The following COL13A1 variants were observed in gnomAD, a reference collection of about 807,000 sequenced individuals.
COL13A1 encodes the protein collagen alpha-1(XIII) chain.
Under a neutral mutation model 130.9 loss-of-function variants are expected in COL13A1, and 89 were observed. That is an observed-to-expected ratio of 0.68 (90% CI 0.57 to 0.81). The LOEUF (loss-of-function observed/expected upper bound fraction) is 0.81. Ranked by LOEUF, COL13A1 falls within the 30% of genes least tolerant of loss-of-function variation. The pLI is 0.00. For missense variants in COL13A1, 879 were observed against 934.6 expected (o/e 0.94, Z 0.78); for synonymous variants, 402 against 341.6 (o/e 1.18, Z -1.95).
chr10:69,860,082 G>C (rs910262885), intron 2 of COL13A1, among the ~76,000 whole-genome samples: 1 of 152,182 alleles, frequency 6.6e-6, no homozygotes, highest in East Asian at 1.9e-4. Flanking sequence ...AGAGTCAGGG[G>C]GTCTGTACCT....
At chr10:69,941,068 A>G (rs1231358320) in intron 35 of COL13A1, 45 bp downstream of exon 35, 1 of 1,612,640 alleles carries the variant, frequency 6.2e-7, no homozygotes, top group Non-Finnish European at 8.5e-7. Context: ...TCCACTCCAC[A>G]CCTGGCCTGT....
At chr10:69,885,265 T>A (rs1343778406) in intron 7 of COL13A1, among the ~76,000 whole-genome samples, 1 of 152,104 alleles carries the variant, frequency 6.6e-6, no homozygotes, top group East Asian at 1.9e-4. Flanking sequence ...GAAAGAATAA[T>A]CATGACAAAT....
chr10:69,926,124 T>TGCC, intron 26 of COL13A1: 1 of 513,256 alleles, frequency 1.9e-6, no homozygotes, highest in Non-Finnish European at 3.5e-6. Context: ...CCAGTTATCC[T>TGCC]GCCTCAGGGC....
chr10:69,864,702 A>G (rs1859301677), intron 2 of COL13A1, among the ~76,000 whole-genome samples: 3 of 152,216 alleles, frequency 2.0e-5, no homozygotes, highest in Non-Finnish European at 4.4e-5. Context: ...AGAATTCTTC[A>G]TGGGGGTCCA....
intron 11 of COL13A1, 40 bp downstream of exon 11, chr10:69,894,618 C>T: frequency 6.2e-7 from 1 of 1,614,018 alleles, no homozygotes; most frequent in African/African-American, 1.3e-5. Context: ...AGAGAAGCTT[C>T]CGGTGGCTGT....
chr10:69,805,279 G>T (rs968660021), intron 1 of COL13A1, among the ~76,000 whole-genome samples: 3 of 152,194 alleles, frequency 2.0e-5, no homozygotes, highest in Non-Finnish European at 4.4e-5. Context: ...AAAACAGAAG[G>T]CTGCTGCAGG....
intron 18 of COL13A1, 23 bp from the exon 19 acceptor site, chr10:69,918,262 C>T: frequency 6.3e-7 from 1 of 1,589,086 alleles, no homozygotes; most frequent in Non-Finnish European, 8.6e-7. Context: ...GTCTTCAGAC[C>T]TTTTTTTTTC....
At chr10:69,880,355 C>A in intron 6 of COL13A1, 148 bp from the exon 7 acceptor site, 1 of 703,020 alleles carries the variant, frequency 1.4e-6, no homozygotes, top group Non-Finnish European at 2.6e-6. Flanking sequence ...CCCTCCACGT[C>A]CCCTGGCATC....
chr10:69,871,757 C>T (rs760070868), intron 3 of COL13A1, among the ~76,000 whole-genome samples: 6 of 152,202 alleles, frequency 3.9e-5, no homozygotes, highest in Non-Finnish European at 7.3e-5. Context: ...CCGTCTCTGG[C>T]CAGTCCTCCT....
intron 9 of COL13A1, 34 bp from the exon 10 acceptor site, chr10:69,889,380 A>G (rs2060935710): frequency 6.2e-7 from 1 of 1,604,906 alleles, no homozygotes; most frequent in Non-Finnish European, 8.5e-7. Flanking sequence ...GGCTGCGAAC[A>G]GTGCACCTGG....
chr10:69,873,365 A>G (rs2059264347), intron 4 of COL13A1, among the ~76,000 whole-genome samples: 1 of 152,208 alleles, frequency 6.6e-6, no homozygotes, highest in Non-Finnish European at 1.5e-5. Context: ...TCCCAGTAAG[A>G]GCCCCAGCAC....
At chr10:69,810,361 AG>A (rs1842682425) in intron 1 of COL13A1, among the ~76,000 whole-genome samples, 1 of 143,816 alleles carries the variant, frequency 7.0e-6, no homozygotes, top group East Asian at 2.1e-4. Context: ...AGAGAGAGAG[AG>A]AGAGAGAGAG....
chr10:69,828,944 A>G (rs1242275305), intron 2 of COL13A1, among the ~76,000 whole-genome samples: 1 of 152,194 alleles, frequency 6.6e-6, no homozygotes. Context: ...TCTCTTACAC[A>G]GCAAGAGTAG....
chr10:69,831,167 C>G (rs748433991), intron 2 of COL13A1, among the ~76,000 whole-genome samples: 1 of 152,168 alleles, frequency 6.6e-6, no homozygotes, highest in Non-Finnish European at 1.5e-5. Flanking sequence ...TGCCTCTAAA[C>G]CTAATTGGCG....
At chr10:69,865,522 AG>A (rs1436566465) in intron 2 of COL13A1, among the ~76,000 whole-genome samples, 1 of 152,204 alleles carries the variant, frequency 6.6e-6, no homozygotes, top group Non-Finnish European at 1.5e-5. Context: ...CATCCCTAAC[AG>A]GGGAAAAAAG....
At chr10:69,925,094 A>C in intron 25 of COL13A1, 87 bp downstream of exon 25, 1 of 1,363,600 alleles carries the variant, frequency 7.3e-7, no homozygotes, top group Non-Finnish European at 9.7e-7. Flanking sequence ...TAATATTTAG[A>C]AGTTTATTTT....
chr10:69,914,703 T>G (rs376786714), intron 17 of COL13A1, among the ~76,000 whole-genome samples: 1 of 152,118 alleles, frequency 6.6e-6, no homozygotes, highest in Non-Finnish European at 1.5e-5. Flanking sequence ...ACTGGTCTGG[T>G]CATTCAGAAT....
At chr10:69,878,837 A>C (rs1377320799) in intron 6 of COL13A1, among the ~76,000 whole-genome samples, 1 of 152,256 alleles carries the variant, frequency 6.6e-6, no homozygotes, top group African/African-American at 2.4e-5. Context: ...TCTGATGCCC[A>C]AGGAAGGAGC....
chr10:69,888,655 T>C (rs892067138), intron 9 of COL13A1, among the ~76,000 whole-genome samples: 2 of 152,028 alleles, frequency 1.3e-5, no homozygotes, highest in African/African-American at 4.8e-5. Flanking sequence ...AAATAGCTGG[T>C]CTGAAGAGCC....
Sources: gnomAD v4.1 joint callset for allele counts (sites outside exome capture counted in the v4.1 genomes callset) on GRCh38, gnomAD v4.1.1 for gene constraint, MANE v1.5 for transcripts, NCBI Gene and HGNC (gene_info 2026-07-23, HGNC 2026-07-21) for gene names.